The following BAMBI variants were observed in gnomAD, a reference collection of about 807,000 sequenced individuals.
BAMBI encodes BMP and activin membrane-bound inhibitor homolog.
Under a neutral mutation model 24.1 loss-of-function variants are expected in BAMBI, and 21 were observed. That is an observed-to-expected ratio of 0.87 (90% confidence interval 0.62 to 1.26). The LOEUF (loss-of-function observed/expected upper bound fraction) is 1.26. Ranked by LOEUF, BAMBI falls within the 50% of genes most tolerant of loss-of-function variation. The pLI, the probability that BAMBI is intolerant of heterozygous loss-of-function variation, is 0.00. For missense variants in BAMBI, 388 were observed against 329.1 expected (o/e 1.18, Z -1.38); for synonymous variants, 156 against 123.1 (o/e 1.27, Z -1.77).
Position 28,677,902 on chromosome 10 carries a change from A to T in BAMBI, c.5A>T (p.Asp2Val). Reference sequence around the variant, plus strand: ...CCGCGGCCGTGCGGGGCGTCAATGGATCGCCACTCCAGCTACATCTTCATC... The same window carrying T: ...CCGCGGCCGTGCGGGGCGTCAATGGTTCGCCACTCCAGCTACATCTTCATC... M[D>V]RHSSYIFIWL... The change falls in exon 1 of 3, where the codon GAT becomes GTT. Residue 2 changes from aspartate to valine, a missense_variant. By Grantham distance (152) the Asp-to-Val change is radical. Coordinates refer to ENST00000375533, the MANE Select transcript of BAMBI (RefSeq NM_012342.3). 1.3e-6 allele frequency: 2 copies of T among 1,515,452 alleles called. No individual in the cohort carries two copies. The highest frequency in any genetic ancestry group is 1.8e-6 in the Non-Finnish European group (2 of 1,138,144). The allele number at this position is 1,515,452 out of a possible 1,614,324, so 93.9% of individuals were successfully genotyped here. A position where few individuals can be genotyped will look rare whatever the true frequency, so the allele number is the denominator to read the frequency against.
intron 1 of BAMBI, among the ~76,000 whole-genome samples, chr10:28,680,191 G>T (rs992587726): frequency 5.3e-5 from 8 of 152,104 alleles, no homozygotes; most frequent in Non-Finnish European, 1.0e-4. Context: ...TGGAAGAGGC[G>T]TGTGCATTAG....
chr10:28,682,496 TC>T lies in BAMBI; in HGVS notation c.*96del, dbSNP rs1483232549. Reference sequence around the variant, plus strand: ...TTTATCTGAAGACAAACTCATTTAATCATCTTTGAGAGACAAAATGACCTCT... The same window carrying T: ...TTTATCTGAAGACAAACTCATTTAATATCTTTGAGAGACAAAATGACCTCT... On this transcript the variant is annotated 3_prime_UTR_variant, in exon 3 of 3. Transcript: ENST00000375533. 3.3e-6 allele frequency: 4 copies of T among 1,206,824 alleles called. No individual in the cohort carries two copies. In the Admixed American group the frequency reaches 9.7e-5, roughly 29 times the overall value. 74.8% of individuals were successfully genotyped at this position (1,206,824 alleles called of 1,614,324 possible).
In BAMBI at chr10:28,682,532, A is replaced by G; in HGVS notation, c.*131A>G. 3 of 770,652 alleles carry G rather than the reference A, an allele frequency of 3.9e-6. No homozygotes were observed. The highest frequency in any genetic ancestry group is 6.2e-6 in the Non-Finnish European group (3 of 486,862). 47.7% of individuals were successfully genotyped at this position (770,652 alleles called of 1,614,324 possible). ...AGACAAAATGACCTCTGCAAACAGA[A>G]TCTTGGATATTTCTTCTGAAGGATT... On this transcript the variant is annotated 3_prime_UTR_variant, in exon 3 of 3. Transcript: ENST00000375533.
At chr10:28,678,189 G>C (rs1374933169) in intron 1 of BAMBI, among the ~76,000 whole-genome samples, 1 of 152,188 alleles carries the variant, frequency 6.6e-6, no homozygotes, top group Non-Finnish European at 1.5e-5. Context: ...GGTCCTCCTG[G>C]CTCTGCCTGC....
chr10:28,682,519 C>T lies in BAMBI; in HGVS notation c.*118C>T, dbSNP rs998206847. 54 of 893,218 alleles carry T rather than the reference C, an allele frequency of 6.0e-5. 1 individual carries two copies. In the Admixed American group the frequency reaches 1.4e-3, roughly 24 times the overall value. 55.3% of individuals were successfully genotyped at this position (893,218 alleles called of 1,614,324 possible). A position where few individuals can be genotyped will look rare whatever the true frequency, so the allele number is the denominator to read the frequency against. Reference sequence around the variant, plus strand: ...AATCATCTTTGAGAGACAAAATGACCTCTGCAAACAGAATCTTGGATATTT... The same window carrying T: ...AATCATCTTTGAGAGACAAAATGACTTCTGCAAACAGAATCTTGGATATTT... On this transcript the variant is annotated 3_prime_UTR_variant, in exon 3 of 3. Coordinates refer to ENST00000375533, the MANE Select transcript of BAMBI (RefSeq NM_012342.3).
chr10:28,678,095 A>T (rs1834456696), intron 1 of BAMBI, 122 bp downstream of exon 1: 1 of 865,234 alleles, frequency 1.2e-6, no homozygotes, highest in Admixed American at 3.2e-5. Context: ...GCAGGTCGCG[A>T]CAAGTTGCTG....
chr10:28,681,353 C>A lies in BAMBI; in HGVS notation c.172C>A (p.Pro58Thr). Reference sequence around the variant, plus strand: ...CGCCTGCTTCTCTAGACTTCTTGATCCTCAGAACTCAAATTCCCCACTCAC... The same window carrying A: ...CGCCTGCTTCTCTAGACTTCTTGATACTCAGAACTCAAATTCCCCACTCAC... Reference protein sequence around the residue: ...LSACFSRLLDPQNSNSPLTHG... With the variant: ...LSACFSRLLDTQNSNSPLTHG... The change falls in exon 2 of 3, where the codon CCT (proline) becomes ACT (threonine). Residue 58 changes from proline to threonine, a missense_variant. By Grantham distance (38) the Pro-to-Thr change is conservative. Coordinates refer to ENST00000375533, the MANE Select transcript of BAMBI (RefSeq NM_012342.3). The A allele has an allele frequency of 6.2e-7, 1 of 1,614,164 alleles. No homozygotes were observed. Among genetic ancestry groups the A allele is most frequent in the Non-Finnish European group, 8.5e-7 (1 of 1,180,034 alleles).
intron 1 of BAMBI, 147 bp downstream of exon 1, chr10:28,678,120 G>A: frequency 1.5e-6 from 1 of 656,280 alleles, no homozygotes; most frequent in Non-Finnish European, 2.4e-6. Context: ...CTTAGAAGTC[G>A]CGGCGGTGGC....
Position 28,682,499 on chromosome 10 carries a change from T to C in BAMBI, c.*98T>C. On this transcript the variant is annotated 3_prime_UTR_variant, in exon 3 of 3. Coordinates refer to ENST00000375533, the MANE Select transcript of BAMBI (RefSeq NM_012342.3). ...ATCTGAAGACAAACTCATTTAATCA[T>C]CTTTGAGAGACAAAATGACCTCTGC... 8.7e-7 allele frequency: 1 copy of C among 1,149,788 alleles called. No individual in the cohort carries two copies. Among genetic ancestry groups the C allele is most frequent in the East Asian group, 2.4e-5 (1 of 41,686 alleles). 71.2% of individuals were successfully genotyped at this position (1,149,788 alleles called of 1,614,324 possible).
chr10:28,681,623 A>G lies in BAMBI; in HGVS notation c.364+78A>G, dbSNP rs529624118. 1.2e-5 allele frequency: 17 copies of G among 1,466,686 alleles called. 1 individual carries two copies. Among genetic ancestry groups the G allele is most frequent in the Admixed American group, 5.5e-5 (3 of 54,388 alleles). 90.9% of individuals were successfully genotyped at this position (1,466,686 alleles called of 1,614,324 possible). A position where few individuals can be genotyped will look rare whatever the true frequency, so the allele number is the denominator to read the frequency against. On this transcript the variant is annotated intron_variant, in intron 2 of 2. Coordinates refer to ENST00000375533, the MANE Select transcript of BAMBI (RefSeq NM_012342.3). ...ACAGCCACGACTTTGTATGTCTGCT[A>G]TTGATTTTGTTGTTAATGTAATTAG...
chr10:28,681,426 C>G lies in BAMBI; in HGVS notation c.245C>G (p.Ala82Gly). 6.2e-7 allele frequency: 1 copy of G among 1,614,160 alleles called. No individual in the cohort carries two copies. ...GCAAGCACGACAGACATCTGCCAAG[C>G]CAAACAGGCCCGAAACCACTCTGGC... Reference protein sequence around the residue: ...SLASTTDICQAKQARNHSGTT... With the variant: ...SLASTTDICQGKQARNHSGTT... Residue 82 changes from alanine (A) to glycine (G), a missense_variant, in exon 2 of 3, where the codon GCC becomes GGC. Ala to Gly is a moderately conservative substitution (Grantham distance 60). Coordinates refer to ENST00000375533, the MANE Select transcript of BAMBI (RefSeq NM_012342.3).
chr10:28,677,677 C>T lies in BAMBI; in HGVS notation c.-221C>T. 1 of 267,096 alleles carries T rather than the reference C, an allele frequency of 3.7e-6. No homozygotes were observed. Among genetic ancestry groups the T allele is most frequent in the Non-Finnish European group, 7.0e-6 (1 of 143,240 alleles). 16.5% of individuals were successfully genotyped at this position (267,096 alleles called of 1,614,324 possible). On this transcript the variant is annotated 5_prime_UTR_variant, in exon 1 of 3. Coordinates refer to ENST00000375533, the MANE Select transcript of BAMBI (RefSeq NM_012342.3). ...CCTAGAGTCGAGCGGGGCAAGGGAG[C>T]CAGTGGCCGCCGACGGGGGACCGGG...
chr10:28,677,964 C>T lies in BAMBI; in HGVS notation c.67C>T (p.Leu23Phe), dbSNP rs1363141510. ...QLELCAMAVL[L>F]TKGEIRCYCD... ...GGAGCTCTGCGCCATGGCCGTGCTG[C>T]TCACCAAAGGTGGGTGCCGGGGGCG... The change falls in exon 1 of 3, where the codon CTC becomes TTC. Residue 23 changes from leucine (L) to phenylalanine (F), a missense_variant. Coordinates refer to ENST00000375533, the MANE Select transcript of BAMBI (RefSeq NM_012342.3). 3 of 1,527,200 alleles carry T rather than the reference C, an allele frequency of 2.0e-6. No individual in the cohort carries two copies. Among genetic ancestry groups the T allele is most frequent in the Non-Finnish European group, 2.6e-6 (3 of 1,143,214 alleles). 94.6% of individuals were successfully genotyped at this position (1,527,200 alleles called of 1,614,324 possible).
chr10:28,679,352 C>G (rs1834472547), intron 1 of BAMBI, among the ~76,000 whole-genome samples: 1 of 152,194 alleles, frequency 6.6e-6, no homozygotes, highest in Non-Finnish European at 1.5e-5. Context: ...TTTGTTTAAT[C>G]ACTACATACA....
rs762340640 is a variant in BAMBI at position 28,682,378 on chromosome 10, C to CACGGGAAGCTGGAATTCGTATG, written c.765_*3dup. On this transcript the variant is annotated stop_gained and frameshift_variant, in exon 3 of 3. Coordinates refer to ENST00000375533, the MANE Select transcript of BAMBI (RefSeq NM_012342.3). LOFTEE classifies it high-confidence loss of function. ...TGTTCACTGGGGCATGTACAGTGGG[C>CACGGGAAGCTGGAATTCGTATG]ACGGGAAGCTGGAATTCGTATGACG... The CACGGGAAGCTGGAATTCGTATG allele has an allele frequency of 3.1e-6, 5 of 1,610,474 alleles. No homozygotes were observed. The highest frequency in any genetic ancestry group is 4.2e-6 in the Non-Finnish European group (5 of 1,176,928).
chr10:28,680,531 C>T (rs911239514), intron 1 of BAMBI, among the ~76,000 whole-genome samples: 2 of 150,036 alleles, frequency 1.3e-5, no homozygotes, highest in Non-Finnish European at 3.0e-5. Context: ...AGAAGTTAGC[C>T]TTGCAGTTTT....
Position 28,681,398 on chromosome 10 carries a change from C to T in BAMBI, c.217C>T (p.Leu73Phe), listed in dbSNP as rs749500911. 3.1e-6 allele frequency: 5 copies of T among 1,614,196 alleles called. No homozygotes were observed. The highest frequency in any genetic ancestry group is 3.4e-6 in the Non-Finnish European group (4 of 1,180,042). The change falls in exon 2 of 3, where the codon CTT (leucine) becomes TTT (phenylalanine). Residue 73 changes from leucine to phenylalanine, a missense_variant. Leu to Phe is a conservative substitution (Grantham distance 22). Transcript: ENST00000375533. Reference sequence around the variant, plus strand: ...ACTCACCCATGGCTGCCTGGACTCTCTTGCAAGCACGACAGACATCTGCCA... The same window carrying T: ...ACTCACCCATGGCTGCCTGGACTCTTTTGCAAGCACGACAGACATCTGCCA... ...SPLTHGCLDS[L>F]ASTTDICQAK... is the part of the protein sequence containing the mutation.
intron 2 of BAMBI, 182 bp downstream of exon 2, chr10:28,681,727 C>T (rs1352613051): frequency 3.1e-5 from 24 of 769,356 alleles, no homozygotes; most frequent in Non-Finnish European, 4.1e-5. Flanking sequence ...CATTAGATGT[C>T]TGTCTACATA....
At position 28,682,281 on chromosome 10, in the gene BAMBI, G is replaced by T; in HGVS notation, c.663G>T (p.Gly221=). ...LDLECMVPVS[G]HENCCLTCDK... ...TGGAATGCATGGTGCCGGTCAGTGG[G>T]CACGAGAACTGCTGTCTGACCTGTG... The change falls in exon 3 of 3, where the codon GGG becomes GGT. Residue 221 remains glycine (G), a synonymous_variant. Transcript: ENST00000375533. 6.2e-7 allele frequency: 1 copy of T among 1,614,118 alleles called. No individual in the cohort carries two copies.
Sources: gnomAD v4.1 joint callset for allele counts (sites outside exome capture counted in the v4.1 genomes callset) on GRCh38, gnomAD v4.1.1 for gene constraint, MANE v1.5 for transcripts, NCBI Gene and HGNC (gene_info 2026-07-23, HGNC 2026-07-21) for gene names.